The following GRID2 variants were observed in gnomAD, a reference collection of about 807,000 sequenced individuals.
GRID2 encodes the protein glutamate receptor ionotropic, delta-2.
Under a neutral mutation model 114.8 loss-of-function variants are expected in GRID2, and 33 were observed. That is an observed-to-expected ratio of 0.29 (90% CI 0.22 to 0.38). The LOEUF is 0.38. Ranked by LOEUF, GRID2 falls within the 10% of genes least tolerant of loss-of-function variation. The pLI is 1.00. For missense variants in GRID2, 1,184 were observed against 1,257.7 expected, an observed-to-expected ratio of 0.94 and a Z score of 0.89; for synonymous variants, 505 against 449.9, an observed-to-expected ratio of 1.12 and a Z score of -1.55.
At chr4:93,131,622 TTTTA>T (rs1208451616) in intron 4 of GRID2, among the ~76,000 whole-genome samples, 2 of 151,754 alleles carry the variant, frequency 1.3e-5, no homozygotes, top group Non-Finnish European at 2.9e-5. Flanking sequence ...ATTTTTTTAT[TTTTA>T]TTTTTAATTT....
chr4:92,912,116 T>G (rs1187962110), intron 2 of GRID2, among the ~76,000 whole-genome samples: 1 of 151,914 alleles, frequency 6.6e-6, no homozygotes, highest in African/African-American at 2.4e-5. Flanking sequence ...ACAAAACACT[T>G]TCTTGAAGAA....
intron 14 of GRID2, among the ~76,000 whole-genome samples, chr4:93,681,924 A>T (rs1263971201): frequency 6.6e-6 from 1 of 150,976 alleles, no homozygotes; most frequent in Non-Finnish European, 1.5e-5. Context: ...GCCAAAATTG[A>T]CGAATGGGAT....
chr4:93,786,274 A>G (rs933075104), intron 1 of GRID2, among the ~76,000 whole-genome samples: 17 of 152,184 alleles, frequency 1.1e-4, no homozygotes, highest in African/African-American at 4.1e-4. Context: ...GTGGAAGGAC[A>G]CATACACTGC....
chr4:93,666,007 A>G (rs1265056703), intron 14 of GRID2, among the ~76,000 whole-genome samples: 1 of 152,114 alleles, frequency 6.6e-6, no homozygotes, highest in Admixed American at 6.6e-5. Flanking sequence ...GAGCACTTAT[A>G]TGCATATCTT....
At chr4:93,296,435 A>T (rs1230814678) in intron 8 of GRID2, among the ~76,000 whole-genome samples, 1 of 152,082 alleles carries the variant, frequency 6.6e-6, no homozygotes, top group Non-Finnish European at 1.5e-5. Context: ...CTTTCAGCCT[A>T]CTACAAGAAG....
At chr4:92,913,232 C>T (rs1172743454) in intron 2 of GRID2, among the ~76,000 whole-genome samples, 1 of 151,752 alleles carries the variant, frequency 6.6e-6, no homozygotes, top group Non-Finnish European at 1.5e-5. Context: ...ACATTTGCTA[C>T]TTTGTCTCCT....
intron 10 of GRID2, among the ~76,000 whole-genome samples, chr4:93,425,833 C>A (rs2149372853): frequency 6.6e-6 from 1 of 152,244 alleles, no homozygotes; most frequent in Non-Finnish European, 1.5e-5. Flanking sequence ...ATGACTAAGC[C>A]TAATAAAGGA....
intron 13 of GRID2, among the ~76,000 whole-genome samples, chr4:93,549,356 C>G (rs1404641764): frequency 6.6e-6 from 1 of 152,072 alleles, no homozygotes; most frequent in Non-Finnish European, 1.5e-5. Flanking sequence ...GATAAAGGAA[C>G]AAGAATTTAC....
intron 14 of GRID2, among the ~76,000 whole-genome samples, chr4:93,761,799 T>C (rs1291526243): frequency 6.6e-6 from 1 of 152,200 alleles, no homozygotes; most frequent in Non-Finnish European, 1.5e-5. Context: ...CAATAAATAT[T>C]TGTTGCACTT....
intron 13 of GRID2, among the ~76,000 whole-genome samples, chr4:93,585,306 T>A (rs968698682): frequency 7.2e-5 from 11 of 152,118 alleles, no homozygotes; most frequent in African/African-American, 2.7e-4. Flanking sequence ...TGTCTGTGAG[T>A]GATCTGGGCA....
intron 4 of GRID2, among the ~76,000 whole-genome samples, chr4:93,117,283 A>G (rs1733362238): frequency 6.6e-6 from 1 of 151,868 alleles, no homozygotes; most frequent in African/African-American, 2.4e-5. Context: ...AGTTGCCCCA[A>G]TTCACCTAGA....
chr4:92,513,955 A>G (rs1420038686), intron 1 of GRID2, among the ~76,000 whole-genome samples: 5 of 151,940 alleles, frequency 3.3e-5, no homozygotes, highest in Admixed American at 2.6e-4. Context: ...AACAATAAAA[A>G]GTTAAGAGCT....
At chr4:92,649,540 GC>G (rs1464693104) in intron 2 of GRID2, among the ~76,000 whole-genome samples, 2 of 151,620 alleles carry the variant, frequency 1.3e-5, no homozygotes, top group Admixed American at 1.3e-4. Context: ...ATTCTCACAG[GC>G]ACACCTACAA....
rs1309297295 is a variant in GRID2 at position 93,253,210 on chromosome 4, A to G, written c.1245+14720A>G. Among the ~76,000 whole-genome samples, 12 of 152,102 alleles carry G rather than the reference A, an allele frequency of 7.9e-5. No homozygotes were observed. The East Asian group carries it at 2.1e-3, about 27-fold the overall frequency. ...GGTGGAGCTTGCAGTGAGCTGAGAT[A>G]GCGCCACTGCACTCCAACCTGAGAG... On this transcript the variant is annotated intron_variant, in intron 8 of 15. Transcript: ENST00000282020.
At chr4:93,057,425 T>C (rs1055646432) in intron 2 of GRID2, among the ~76,000 whole-genome samples, 1 of 151,896 alleles carries the variant, frequency 6.6e-6, no homozygotes, top group Non-Finnish European at 1.5e-5. Flanking sequence ...ATTCTTTGAA[T>C]TTTTTGTTGT....
intron 2 of GRID2, among the ~76,000 whole-genome samples, chr4:92,846,670 C>T (rs1011451703): frequency 1.3e-5 from 2 of 152,048 alleles, no homozygotes; most frequent in Non-Finnish European, 2.9e-5. Context: ...GTCCACCTCA[C>T]GTATTCATAA....
chr4:92,483,417 G>C (rs1306436770), intron 1 of GRID2, among the ~76,000 whole-genome samples: 1 of 152,086 alleles, frequency 6.6e-6, no homozygotes, highest in African/African-American at 2.4e-5. Context: ...GATTTATACA[G>C]GATGCCAGTT....
rs145962405 is a variant in GRID2, at chr4:92,526,785, A to G, written c.89-63346A>G. On this transcript the variant is annotated intron_variant, in intron 1 of 15. Transcript: ENST00000282020. ...ACAGTCTTCCTGAACCATAAGTCAT[A>G]GGTTTGACTTATGATTTTTCAATGT... Among the ~76,000 whole-genome samples, 678 of 152,064 alleles carry G rather than the reference A, an allele frequency of 4.5e-3. 1 individual carries two copies. The highest frequency in any genetic ancestry group is 6.8e-3 in the Middle Eastern group (2 of 294).
intron 1 of GRID2, among the ~76,000 whole-genome samples, chr4:92,583,272 G>A (rs1438311096): frequency 6.6e-6 from 1 of 151,964 alleles, no homozygotes; most frequent in East Asian, 1.9e-4. Context: ...AACTGCCAGT[G>A]TTTCTAATAT....
Sources: allele counts gnomAD v4.1 joint callset (sites outside exome capture counted in the v4.1 genomes callset), GRCh38; gene constraint gnomAD v4.1.1; transcripts MANE v1.5; gene names NCBI Gene and HGNC (gene_info 2026-07-23, HGNC 2026-07-21).